ZCWPW2: variants seen among roughly 807,000 people sequenced by gnomAD.
ZCWPW2 encodes the protein zinc finger CW-type PWWP domain protein 2.
In ZCWPW2, 45 loss-of-function variants were observed where a neutral mutation model predicts 46.6. The observed-to-expected ratio is 0.96, with a 90% CI of 0.76 to 1.24. The LOEUF is 1.24. Ranked by LOEUF, ZCWPW2 falls within the 50% of genes most tolerant of loss-of-function variation. ZCWPW2 has a pLI of 0.00. For missense variants in ZCWPW2, 429 were observed against 403.9 expected (o/e 1.06, Z -0.53); for synonymous variants, 152 against 137.1 (o/e 1.11, Z -0.76).
chr3:28,438,126 A>G (rs770150818), intron 4 of ZCWPW2, among the ~76,000 whole-genome samples: 27 of 152,200 alleles, frequency 1.8e-4, no homozygotes, highest in Non-Finnish European at 3.4e-4. Flanking sequence ...GAGGTGGGCA[A>G]AGATGACCCT....
intron 5 of ZCWPW2, among the ~76,000 whole-genome samples, chr3:28,489,777 G>A (rs78600250): frequency 0.028 from 4,295 of 151,804 alleles, 86 homozygotes; most frequent in South Asian, 0.073. Context: ...TGTTTTAGGA[G>A]TTTTAATTAA....
At chr3:28,502,626 G>A in intron 6 of ZCWPW2, among the ~76,000 whole-genome samples, 1 of 152,082 alleles carries the variant, frequency 6.6e-6, no homozygotes, top group East Asian at 1.9e-4. Flanking sequence ...GTAGTGCGAA[G>A]ACCACATTAT....
chr3:28,399,534 A>G (rs1003965081), intron 2 of ZCWPW2, among the ~76,000 whole-genome samples: 44 of 152,148 alleles, frequency 2.9e-4, no homozygotes, highest in African/African-American at 1.0e-3. Context: ...AGTCCATTTC[A>G]TCCCCCTGCC....
At chr3:28,375,917 T>G (rs568397935) in intron 1 of ZCWPW2, among the ~76,000 whole-genome samples, 11 of 152,240 alleles carry the variant, frequency 7.2e-5, no homozygotes, top group African/African-American at 2.4e-4. Flanking sequence ...CCTGACTTAT[T>G]TCTCTTAATA....
intron 3 of ZCWPW2, among the ~76,000 whole-genome samples, chr3:28,420,648 A>G (rs369948429): frequency 8.6e-5 from 13 of 151,276 alleles, no homozygotes; most frequent in African/African-American, 2.7e-4. Context: ...ACTTTCAGGT[A>G]CAATTTTGAT....
chr3:28,494,683 C>T (rs1293023931), intron 6 of ZCWPW2, among the ~76,000 whole-genome samples: 9 of 134,124 alleles, frequency 6.7e-5, no homozygotes, highest in African/African-American at 1.7e-4. Context: ...AAAACCCCAT[C>T]GTCTCAGCCC....
intron 4 of ZCWPW2, among the ~76,000 whole-genome samples, chr3:28,437,462 TTTTG>T: frequency 6.6e-6 from 1 of 152,338 alleles, no homozygotes; most frequent in Non-Finnish European, 1.5e-5. Context: ...ATTAAATTTT[TTTTG>T]TTTTATTATG....
At chr3:28,514,513 G>A (rs1481055435) in intron 7 of ZCWPW2, among the ~76,000 whole-genome samples, 10 of 152,074 alleles carry the variant, frequency 6.6e-5, no homozygotes, top group Admixed American at 6.6e-4. Flanking sequence ...CCAGGATAAG[G>A]GGCCAAAGGA....
rs940675142 is a variant in ZCWPW2, at chr3:28,479,516, CA to C, written c.610+586del. ...ATTTGAAAGATTATAGTAGGTTTGA[CA>C]TTTTTTGTATATATTTAACTTCTAA... On this transcript the variant is annotated intron_variant, in intron 5 of 9. Coordinates refer to ENST00000383768, the MANE Select transcript of ZCWPW2 (RefSeq NM_001040432.4). Among the ~76,000 whole-genome samples the C allele has an allele frequency of 1.8e-4, 28 of 152,062 alleles. 1 individual carries two copies. The highest frequency in any genetic ancestry group is 6.8e-4 in the African/African-American group (28 of 41,404).
intron 4 of ZCWPW2, among the ~76,000 whole-genome samples, chr3:28,451,011 T>G (rs1698204458): frequency 6.6e-6 from 1 of 152,190 alleles, no homozygotes; most frequent in African/African-American, 2.4e-5. Context: ...TGAATATCAC[T>G]TGTTTGAGCA....
chr3:28,350,595 C>G (rs1434830561), intron 1 of ZCWPW2, among the ~76,000 whole-genome samples: 1 of 152,036 alleles, frequency 6.6e-6, no homozygotes, highest in African/African-American at 2.4e-5. Context: ...TGTAGAACCC[C>G]TGCTAGATTA....
intron 3 of ZCWPW2, among the ~76,000 whole-genome samples, chr3:28,429,597 T>C (rs1418726504): frequency 6.6e-6 from 1 of 152,190 alleles, no homozygotes; most frequent in Non-Finnish European, 1.5e-5. Context: ...AGAAGCCAAA[T>C]GTTAATCACC....
chr3:28,449,273 AT>A (rs1193120555), intron 4 of ZCWPW2, among the ~76,000 whole-genome samples: 3 of 152,206 alleles, frequency 2.0e-5, no homozygotes, highest in Admixed American at 6.5e-5. Flanking sequence ...AAGACCTAAA[AT>A]TCTAAAGTCT....
At chr3:28,437,080 A>G (rs1697529260) in intron 4 of ZCWPW2, among the ~76,000 whole-genome samples, 1 of 152,226 alleles carries the variant, frequency 6.6e-6, no homozygotes, top group African/African-American at 2.4e-5. Flanking sequence ...TAGATATTAA[A>G]TACATGCTCC....
At chr3:28,471,551 C>G (rs576757100) in intron 4 of ZCWPW2, among the ~76,000 whole-genome samples, 5 of 151,994 alleles carry the variant, frequency 3.3e-5, no homozygotes, top group African/African-American at 7.3e-5. Context: ...ATTCAGCATC[C>G]CTTTATGATA....
intron 1 of ZCWPW2, among the ~76,000 whole-genome samples, chr3:28,387,015 A>C (rs564910346): frequency 1.3e-5 from 2 of 152,256 alleles, no homozygotes; most frequent in African/African-American, 4.8e-5. Context: ...TCAGTAGACT[A>C]CCGAAGGTCC....
At chr3:28,393,587 C>CA (rs1435513822) in intron 2 of ZCWPW2, among the ~76,000 whole-genome samples, 1 of 152,042 alleles carries the variant, frequency 6.6e-6, no homozygotes, top group African/African-American at 2.4e-5. Flanking sequence ...AAGGATCATA[C>CA]ACTATGATCA....
intron 4 of ZCWPW2, chr3:28,447,959 G>GC: frequency 1.5e-6 from 1 of 648,000 alleles, no homozygotes; most frequent in Non-Finnish European, 2.8e-6. Flanking sequence ...AGGCCCTATG[G>GC]TGTTTCCATG....
intron 6 of ZCWPW2, among the ~76,000 whole-genome samples, chr3:28,496,120 G>T (rs17696783): frequency 6.6e-6 from 1 of 151,710 alleles, no homozygotes; most frequent in Non-Finnish European, 1.5e-5. Flanking sequence ...CGAAATTATC[G>T]ACTATTTTAC....
Sources: allele counts gnomAD v4.1 joint callset (sites outside exome capture counted in the v4.1 genomes callset), GRCh38; gene constraint gnomAD v4.1.1; transcripts MANE v1.5; gene names NCBI Gene and HGNC (gene_info 2026-07-23, HGNC 2026-07-21).